KIF15: variants seen among roughly 807,000 people sequenced by gnomAD.
The protein encoded by KIF15 is kinesin family member 15.
KIF15 carries 140 observed loss-of-function variants against 190.6 expected under a neutral mutation model. The ratio of observed to expected loss-of-function variants is 0.73; its 90% CI spans 0.64 to 0.84. The LOEUF (loss-of-function observed/expected upper bound fraction) is 0.84. Among genes scored for constraint, KIF15 ranks in the 40% least tolerant of loss-of-function variants. KIF15 has a pLI of 0.00. For synonymous variants in KIF15, 528 were observed against 551.3 expected (o/e 0.96, Z 0.59); for missense variants, 1,372 against 1,584.4 (o/e 0.87, Z 2.28).
At chr3:44,781,585 G>A (rs1706165070) in intron 5 of KIF15, among the ~76,000 whole-genome samples, 1 of 152,116 alleles carries the variant, frequency 6.6e-6, no homozygotes, top group African/African-American at 2.4e-5. Flanking sequence ...AGAATTGCTG[G>A]ATCATAGGAT....
At chr3:44,846,063 T>C (rs1039477978) in intron 30 of KIF15, among the ~76,000 whole-genome samples, 2 of 152,246 alleles carry the variant, frequency 1.3e-5, no homozygotes, top group Admixed American at 1.3e-4. Flanking sequence ...AAAGAGCCTG[T>C]CTTTCTGAGT....
At chr3:44,866,498 TGGGGTGTCCGA>T (rs1171188510) in intron 6 of KIF15, among the ~76,000 whole-genome samples, 1 of 152,192 alleles carries the variant, frequency 6.6e-6, no homozygotes, top group African/African-American at 2.4e-5. Context: ...ACTTCTCCCC[TGGGGTGTCCGA>T]GGGCCCTCTC....
chr3:44,826,409 G>T lies in KIF15; in HGVS notation c.2735G>T (p.Arg912Leu), dbSNP rs1272320652. The T allele has an allele frequency of 8.7e-6, 14 of 1,612,612 alleles. No individual in the cohort carries two copies. The highest frequency in any genetic ancestry group is 1.2e-5 in the Non-Finnish European group (14 of 1,179,418). Residue 912 changes from arginine to leucine, a missense_variant, in exon 22 of 35, where the codon CGC becomes CTC. Transcript: ENST00000326047. ...LMELLEAEKE[R>L]NNKLSLQFEE... is the part of the protein sequence containing the mutation. ...GAGCTTCTTGAGGCAGAAAAAGAACGCAATAACAAATTATCATTACAGTTT... is the reference window on the plus strand; with the variant it reads ...GAGCTTCTTGAGGCAGAAAAAGAACTCAATAACAAATTATCATTACAGTTT...
intron 5 of KIF15, among the ~76,000 whole-genome samples, chr3:44,781,191 T>G (rs117652933): frequency 6.6e-6 from 1 of 152,290 alleles, no homozygotes; most frequent in East Asian, 1.9e-4. Flanking sequence ...TCGTATATGT[T>G]TATACACCTG....
At chr3:44,795,871 T>C (rs1459148317) in intron 8 of KIF15, among the ~76,000 whole-genome samples, 1 of 152,080 alleles carries the variant, frequency 6.6e-6, no homozygotes, top group Non-Finnish European at 1.5e-5. Context: ...GAAGCTCATA[T>C]TTTTTTGTTT....
At chr3:44,780,506 T>C (rs1706114476) in intron 4 of KIF15, among the ~76,000 whole-genome samples, 1 of 152,186 alleles carries the variant, frequency 6.6e-6, no homozygotes, top group Non-Finnish European at 1.5e-5. Flanking sequence ...AACCATGGAA[T>C]ACTGTGTAGC....
intron 30 of KIF15, among the ~76,000 whole-genome samples, chr3:44,846,142 A>G (rs1352373314): frequency 1.3e-5 from 2 of 152,174 alleles, no homozygotes; most frequent in African/African-American, 4.8e-5. Context: ...GTTTTAATTA[A>G]TGCCAGGAAA....
chr3:44,865,254 A>G (rs10429), intron 6 of KIF15: 1,135,710 of 1,597,666 alleles, frequency 0.71, 408,708 homozygotes, highest in East Asian at 1. Context: ...GTGGGACTGT[A>G]TCCTAGGGCG....
In KIF15 at chr3:44,829,530, A is replaced by AATATGTATATATTAT. The variant is rs1193910638; in HGVS notation, c.2944-391_2944-377dup. 7.9e-4 allele frequency among the ~76,000 whole-genome samples: 79 copies of AATATGTATATATTAT among 100,318 alleles called. 3 individuals carry two copies. The highest frequency in any genetic ancestry group is 6.0e-3 in the Middle Eastern group (1 of 166). 65.8% of individuals were successfully genotyped at this position (100,318 alleles called of 152,430 possible). On this transcript the variant is annotated intron_variant, in intron 24 of 34. Coordinates refer to ENST00000326047, the MANE Select transcript of KIF15 (RefSeq NM_020242.3). Reference sequence around the variant, plus strand: ...ATACGCATATATATTATATGTATATAATATGTATATATTATATATGTATAT... The same window carrying AATATGTATATATTAT: ...ATACGCATATATATTATATGTATATAATATGTATATATTATATATGTATATATTATATATGTATAT...
In KIF15 at chr3:44,813,070, C is replaced by G. The variant is rs777944406; in HGVS notation, c.2278-5C>G. 3.2e-6 allele frequency: 5 copies of G among 1,554,104 alleles called. No homozygotes were observed. Among genetic ancestry groups the G allele is most frequent in the Non-Finnish European group, 4.4e-6 (5 of 1,148,412 alleles). The stretch of plus-strand genomic sequence containing the variant: ...TTTCCAGTAAATTTATCTTTTTTCC[C>G]AAAGCTTTTCTCATCAGAAAGAATT... On this transcript the variant is annotated splice_polypyrimidine_tract_variant and splice_region_variant and intron_variant, in intron 18 of 34. Transcript: ENST00000326047.
intron 20 of KIF15, among the ~76,000 whole-genome samples, chr3:44,823,506 GCTCAAACA>G (rs1223161597): frequency 2.0e-5 from 3 of 152,326 alleles, no homozygotes; most frequent in East Asian, 3.9e-4. Context: ...CATTCTCAGT[GCTCAAACA>G]CCGTGTTGGG....
chr3:44,840,143 A>T (rs1011795472), intron 27 of KIF15, among the ~76,000 whole-genome samples: 7 of 152,250 alleles, frequency 4.6e-5, no homozygotes, highest in Admixed American at 2.0e-4. Context: ...CATTCCCAAC[A>T]GTATACAAGG....
At position 44,852,775 on chromosome 3, in the gene KIF15, ATGT is replaced by A; in HGVS notation, c.*42_*44del. On this transcript the variant is annotated 3_prime_UTR_variant, in exon 35 of 35. Coordinates refer to ENST00000326047, the MANE Select transcript of KIF15 (RefSeq NM_020242.3). ...TACCTAGGCATCACCTTGTTTGAAGATGTTTCTTCTCTTTTACAAGTAAGACCT... is the reference window on the plus strand; with the variant it reads ...TACCTAGGCATCACCTTGTTTGAAGATTCTTCTCTTTTACAAGTAAGACCT... The A allele has an allele frequency of 7.2e-6, 11 of 1,519,710 alleles. No individual in the cohort carries two copies. Among genetic ancestry groups the A allele is most frequent in the Non-Finnish European group, 9.8e-6 (11 of 1,118,874 alleles). The allele number at this position is 1,519,710 out of a possible 1,614,324, so 94.1% of individuals were successfully genotyped here. A position where few individuals can be genotyped will look rare whatever the true frequency, so the allele number is the denominator to read the frequency against.
intron 24 of KIF15, among the ~76,000 whole-genome samples, chr3:44,829,656 T>TAC: frequency 2.6e-5 from 3 of 116,686 alleles, no homozygotes; most frequent in African/African-American, 9.8e-5. Context: ...TATATGTATA[T>TAC]ATTATGTATA....
At chr3:44,861,748 C>T in intron 6 of KIF15, 2 of 646,546 alleles carry the variant, frequency 3.1e-6, no homozygotes, top group Non-Finnish European at 5.0e-6. Flanking sequence ...GAGGCCGCCA[C>T]AGCCCAGGGT....
chr3:44,822,522 C>T (rs1697401118), intron 20 of KIF15, among the ~76,000 whole-genome samples: 1 of 152,144 alleles, frequency 6.6e-6, no homozygotes, highest in Non-Finnish European at 1.5e-5. Context: ...GTGGTATTCT[C>T]TGTTTTTCCT....
Position 44,761,875 on chromosome 3 carries a change from G to T in KIF15, c.10G>T (p.Gly4Cys), listed in dbSNP as rs1559513811. 6.2e-7 allele frequency: 1 copy of T among 1,614,142 alleles called. No homozygotes were observed. Among genetic ancestry groups the T allele is most frequent in the Non-Finnish European group, 8.5e-7 (1 of 1,180,012 alleles). Residue 4 changes from glycine (G) to cysteine (C), a missense_variant, in exon 1 of 35, where the codon GGC becomes TGC. Gly to Cys is a radical substitution (Grantham distance 159). Transcript: ENST00000326047. MAP[G>C]CKTELRSVTN... The stretch of plus-strand genomic sequence containing the variant: ...GAGGGGTGAGGGCGCTATGGCACCC[G>T]GCTGCAAAAGTAAGTCTGGGCCCCC...
intron 26 of KIF15, among the ~76,000 whole-genome samples, chr3:44,834,132 G>C (rs888274871): frequency 1.3e-5 from 2 of 152,110 alleles, no homozygotes; most frequent in African/African-American, 4.8e-5. Context: ...TTAGATTCAA[G>C]TGGAATTGAC....
chr3:44,795,216 A>G lies in KIF15; in HGVS notation c.849+790A>G, dbSNP rs1455587153. Among the ~76,000 whole-genome samples, 3 of 152,198 alleles carry G rather than the reference A, an allele frequency of 2.0e-5. No individual in the cohort carries two copies. In the South Asian group the frequency reaches 6.2e-4, roughly 31 times the overall value. The stretch of plus-strand genomic sequence containing the variant: ...GTGCAATATGGACTGCTTGTGGAAC[A>G]TGTGGAAAAGAAGTAGTTCTTGACT... On this transcript the variant is annotated intron_variant, in intron 8 of 34. Coordinates refer to ENST00000326047, the MANE Select transcript of KIF15 (RefSeq NM_020242.3).
Sources: gnomAD v4.1 joint callset for allele counts (sites outside exome capture counted in the v4.1 genomes callset) on GRCh38, gnomAD v4.1.1 for gene constraint, MANE v1.5 for transcripts, NCBI Gene and HGNC (gene_info 2026-07-23, HGNC 2026-07-21) for gene names.